The following NUMB variants were observed in gnomAD, a reference collection of about 807,000 sequenced individuals.
NUMB encodes the protein NUMB endocytic adaptor protein.
In NUMB, 29 loss-of-function variants were observed where a neutral mutation model predicts 59.7. The ratio of observed to expected loss-of-function variants is 0.49; its 90% CI spans 0.36 to 0.66. The LOEUF is 0.66. Among genes scored for constraint, NUMB ranks in the 30% least tolerant of loss-of-function variants. The pLI is 0.00. For missense variants in NUMB, 723 were observed against 822.0 expected, an observed-to-expected ratio of 0.88 and a Z score of 1.47; for synonymous variants, 288 against 288.2, an observed-to-expected ratio of 1.00 and a Z score of 0.01.
chr14:73,356,422 C>A (rs1234610879), intron 3 of NUMB, among the ~76,000 whole-genome samples: 1 of 152,118 alleles, frequency 6.6e-6, no homozygotes, highest in African/African-American at 2.4e-5. Context: ...ATGGGCAGAT[C>A]ACTTGAGGTC....
At chr14:73,389,272 CAAAAAA>C (rs869074049) in intron 2 of NUMB, among the ~76,000 whole-genome samples, 1 of 66,484 alleles carries the variant, frequency 1.5e-5, no homozygotes, top group South Asian at 6.1e-4. Context: ...CTCCATCTCT[CAAAAAA>C]AAAAAAAAAA....
chr14:73,331,513 A>G (rs1427443667), intron 4 of NUMB, among the ~76,000 whole-genome samples: 1 of 152,066 alleles, frequency 6.6e-6, no homozygotes, highest in Non-Finnish European at 1.5e-5. Flanking sequence ...GTGCCACTGC[A>G]CTCCAGCCTG....
At chr14:73,423,203 T>C (rs76056825) in intron 1 of NUMB, among the ~76,000 whole-genome samples, 2,334 of 151,998 alleles carry the variant, frequency 0.015, 32 homozygotes, top group Middle Eastern at 0.065. Context: ...AAGATCAATA[T>C]AAAGACTCTT....
intron 2 of NUMB, among the ~76,000 whole-genome samples, chr14:73,375,340 T>A (rs551371733): frequency 1.2e-4 from 18 of 152,256 alleles, no homozygotes; most frequent in African/African-American, 4.1e-4. Context: ...TTTACAACAA[T>A]CCCCATTTTA....
intron 1 of NUMB, among the ~76,000 whole-genome samples, chr14:73,444,175 G>A (rs565074111): frequency 1.3e-4 from 20 of 152,248 alleles, no homozygotes; most frequent in Non-Finnish European, 2.8e-4. Flanking sequence ...CAAGGCTGGT[G>A]GATCACGACA....
rs145199599 is a variant in NUMB, at chr14:73,320,215, T to C, written c.201+2915A>G. Among the ~76,000 whole-genome samples, 326 of 152,262 alleles carry C rather than the reference T, an allele frequency of 2.1e-3. 2 individuals are homozygous for C. Among genetic ancestry groups the C allele is most frequent in the African/African-American group, 7.6e-3 (316 of 41,554 alleles). ...ACTCCAGTGACCCAAAACTTCAATT[T>C]CATGTTTTAATAATACATGCCAGTG... On this transcript the variant is annotated intron_variant, in intron 5 of 12. Coordinates refer to ENST00000555238, the MANE Select transcript of NUMB (RefSeq NM_001005743.2).
intron 2 of NUMB, among the ~76,000 whole-genome samples, chr14:73,405,552 C>T (rs1469544177): frequency 9.2e-5 from 14 of 151,634 alleles, no homozygotes; most frequent in Admixed American, 9.2e-4. Context: ...ATCCTCCCGC[C>T]TCATCCCCAC....
intron 2 of NUMB, among the ~76,000 whole-genome samples, chr14:73,402,019 T>G (rs1399998429): frequency 1.3e-5 from 2 of 152,092 alleles, no homozygotes; most frequent in Admixed American, 6.6e-5. Flanking sequence ...CGCACCACCA[T>G]GTCCAGCTAA....
intron 5 of NUMB, among the ~76,000 whole-genome samples, chr14:73,320,006 C>T (rs550045078): frequency 6.6e-6 from 1 of 152,138 alleles, no homozygotes; most frequent in African/African-American, 2.4e-5. Flanking sequence ...GTGGCGGGCA[C>T]CTGTAATCCC....
intron 2 of NUMB, among the ~76,000 whole-genome samples, chr14:73,395,334 GGTGGTGGGCTGGGC>G (rs1453946451): frequency 6.6e-6 from 1 of 151,934 alleles, no homozygotes; most frequent in Non-Finnish European, 1.5e-5. Context: ...ATTTTAAAGG[GGTGGTGGGCTGGGC>G]GTGGTGGCTC....
At chr14:73,389,302 A>AAAAAAAAAAC (rs1895728228) in intron 2 of NUMB, among the ~76,000 whole-genome samples, 1 of 140,540 alleles carries the variant, frequency 7.1e-6, no homozygotes, top group African/African-American at 2.5e-5. Context: ...AACAAAAACA[A>AAAAAAAAAAC]AAACACTGGT....
At chr14:73,278,721 CTTTTT>C (rs35813203) in intron 12 of NUMB, among the ~76,000 whole-genome samples, 22 of 58,060 alleles carry the variant, frequency 3.8e-4, no homozygotes, top group South Asian at 2.6e-3. Context: ...GCCCTGGAAT[CTTTTT>C]TTTTTTTTTT....
chr14:73,414,922 G>A (rs368480305), intron 1 of NUMB, among the ~76,000 whole-genome samples: 55 of 152,168 alleles, frequency 3.6e-4, no homozygotes, highest in African/African-American at 1.2e-3. Context: ...GGGTTTCACC[G>A]TGTTAGACAG....
In NUMB at chr14:73,287,229, G is replaced by A. The variant is rs762855725; in HGVS notation, c.536C>T (p.Thr179Ile). The change falls in exon 9 of 13, where the codon ACT becomes ATT. Residue 179 changes from threonine to isoleucine, a missense_variant. Transcript: ENST00000555238. Reference sequence around the variant, plus strand: ...GGTCCGACTAGCATCAAAAGTAGCAGTCACTCCACATTCCTTCTCCCGCTT... The same window carrying A: ...GGTCCGACTAGCATCAAAAGTAGCAATCACTCCACATTCCTTCTCCCGCTT... ...KQKREKECGV[T>I]ATFDASRTTF... The A allele has an allele frequency of 3.7e-6, 6 of 1,613,654 alleles. No individual in the cohort carries two copies. The highest frequency in any genetic ancestry group is 2.2e-5 in the East Asian group (1 of 44,844).
At chr14:73,407,389 T>C (rs982191333) in intron 2 of NUMB, among the ~76,000 whole-genome samples, 1 of 152,006 alleles carries the variant, frequency 6.6e-6, no homozygotes, top group Non-Finnish European at 1.5e-5. Flanking sequence ...GAGGTGGAGG[T>C]TGTAGTGCTA....
intron 2 of NUMB, among the ~76,000 whole-genome samples, chr14:73,396,779 A>C (rs1896159782): frequency 1.3e-5 from 2 of 152,182 alleles, no homozygotes; most frequent in Admixed American, 6.5e-5. Flanking sequence ...TATCTATACC[A>C]GTGGTTCTCA....
chr14:73,350,235 G>GT (rs1396316801), intron 4 of NUMB, among the ~76,000 whole-genome samples: 1 of 148,304 alleles, frequency 6.7e-6, no homozygotes, highest in East Asian at 2.0e-4. Context: ...GTGCAGTGGC[G>GT]TGATCTCAGC....
chr14:73,352,504 ATATATATATATATATATATATATATG>A (rs1893416598), intron 4 of NUMB, among the ~76,000 whole-genome samples: 1 of 12,438 alleles, frequency 8.0e-5, no homozygotes, highest in Non-Finnish European at 1.3e-4. Flanking sequence ...ATATATATAT[ATATATATATATATATATATATATATG>A]TTTTTTTTTT....
At chr14:73,369,996 G>A (rs1017610509) in intron 2 of NUMB, among the ~76,000 whole-genome samples, 1 of 151,946 alleles carries the variant, frequency 6.6e-6, no homozygotes, top group Non-Finnish European at 1.5e-5. Context: ...TCCTTTTGTT[G>A]TTTGGTTTCT....
Sources: allele counts gnomAD v4.1 joint callset (sites outside exome capture counted in the v4.1 genomes callset), GRCh38; gene constraint gnomAD v4.1.1; transcripts MANE v1.5; gene names NCBI Gene and HGNC (gene_info 2026-07-23, HGNC 2026-07-21).